RADIL: variants seen among roughly 807,000 people sequenced by gnomAD.
The protein encoded by RADIL is ras-associating and dilute domain-containing protein.
In RADIL, 99 loss-of-function variants were observed where a neutral mutation model predicts 97.6. The ratio of observed to expected loss-of-function variants is 1.01; its 90% CI spans 0.86 to 1.20. RADIL has a LOEUF of 1.20. Ranked by LOEUF, RADIL falls within the 50% of genes most tolerant of loss-of-function variation. The probability of loss-of-function intolerance (pLI) is 0.00; values close to 1 mark genes in which losing one functional copy is unlikely to be tolerated. For synonymous variants in RADIL, 803 were observed against 691.8 expected (o/e 1.16, Z -2.52); for missense variants, 1,765 against 1,498.9 (o/e 1.18, Z -2.93).
In RADIL at chr7:4,799,624, G is replaced by A. The variant is rs1469542868; in HGVS notation, c.3122+6C>T. 3 of 1,605,618 alleles carry A rather than the reference G, an allele frequency of 1.9e-6. No homozygotes were observed. The highest frequency in any genetic ancestry group is 2.7e-5 in the African/African-American group (2 of 74,818). ...AAGGGGCCGGGCGTGCATGCGGTGG[G>A]GGTACCTCAGGTAGCCAAGGCCCAG... On this transcript the variant is annotated splice_donor_region_variant and intron_variant, in intron 14 of 14. Transcript: ENST00000399583.
rs1258821918 is a variant in RADIL at position 4,872,764 on chromosome 7, G to C, written c.535+4841C>G. Among the ~76,000 whole-genome samples, 1 of 152,124 alleles carries C rather than the reference G, an allele frequency of 6.6e-6. No individual in the cohort carries two copies. Among genetic ancestry groups the C allele is most frequent in the Non-Finnish European group, 1.5e-5 (1 of 68,016 alleles). The stretch of plus-strand genomic sequence containing the variant: ...AAGTGCCTGCGTGCATTTCTACAGG[G>C]GGGTAGCAGTGAACTAAGTGATGAG... On this transcript the variant is annotated intron_variant, in intron 2 of 14. Coordinates refer to ENST00000399583, the MANE Select transcript of RADIL (RefSeq NM_018059.5). The surrounding 1 kb of genome is among the most constrained non-coding windows in gnomAD (Gnocchi z 5.8).
chr7:4,847,045 G>A (rs539475026), intron 2 of RADIL, among the ~76,000 whole-genome samples: 3 of 152,212 alleles, frequency 2.0e-5, no homozygotes, highest in African/African-American at 7.2e-5. Flanking sequence ...AACAGGCCAG[G>A]CATGGTGGCT....
chr7:4,832,202 A>G, intron 4 of RADIL, 24 bp from the exon 5 acceptor site: 4 of 1,607,794 alleles, frequency 2.5e-6, no homozygotes, highest in Non-Finnish European at 3.4e-6. Flanking sequence ...GCGGGAGAAA[A>G]AGCAAGTGAG....
chr7:4,882,566 G>A (rs559605264), intron 1 of RADIL, among the ~76,000 whole-genome samples: 3 of 152,236 alleles, frequency 2.0e-5, no homozygotes, highest in South Asian at 4.1e-4. Context: ...TGGGTGGAGC[G>A]ACCTCTCTGC....
At position 4,816,217 on chromosome 7, in the gene RADIL, G is replaced by A. The variant is rs201173414; in HGVS notation, c.1966+11C>T. 4,780 of 1,603,226 alleles carry A rather than the reference G, an allele frequency of 3.0e-3. 22 individuals carry two copies. The highest frequency in any genetic ancestry group is 3.2e-3 in the Non-Finnish European group (3,749 of 1,172,112). ...AGCCCCCGACCCCTCAACCCTGCACGAGGCCCTCACCCCTGTCGAGGAGCT... is the reference window on the plus strand; with the variant it reads ...AGCCCCCGACCCCTCAACCCTGCACAAGGCCCTCACCCCTGTCGAGGAGCT... On this transcript the variant is annotated intron_variant, in intron 8 of 14. Coordinates refer to ENST00000399583, the MANE Select transcript of RADIL (RefSeq NM_018059.5).
intron 2 of RADIL, chr7:4,861,903 G>T: frequency 1.4e-6 from 1 of 738,482 alleles, no homozygotes; most frequent in Non-Finnish European, 1.9e-6. Context: ...GGAAGGGCAG[G>T]GCTTCTAGCT....
chr7:4,860,978 G>T, intron 2 of RADIL: 1 of 1,614,144 alleles, frequency 6.2e-7, no homozygotes, highest in Non-Finnish European at 8.5e-7. Context: ...TTCCCATTCT[G>T]AAAATACCAA....
rs1224189139 is a variant in RADIL at position 4,803,691 on chromosome 7, A to G, written c.2354T>C (p.Val785Ala). ...PIVLPSDGFQ[V>A]DLEANCLDDS... The stretch of plus-strand genomic sequence containing the variant: ...GTCCAGGCAGTTGGCTTCCAAGTCC[A>G]CCTGGAAGCCGTCGCTGGGCAGGAC... Residue 785 changes from valine (V) to alanine (A), a missense_variant, in exon 11 of 15, where the codon GTG becomes GCG. Transcript: ENST00000399583. The G allele has an allele frequency of 1.7e-5, 27 of 1,562,354 alleles. No individual in the cohort carries two copies. Among genetic ancestry groups the G allele is most frequent in the Non-Finnish European group, 2.3e-5 (27 of 1,154,206 alleles).
rs2115196128 is a variant in RADIL at position 4,821,185 on chromosome 7, C to T, written c.1615+1209G>A. Among the ~76,000 whole-genome samples, 1 of 152,320 alleles carries T rather than the reference C, an allele frequency of 6.6e-6. No homozygotes were observed. The highest frequency in any genetic ancestry group is 1.9e-4 in the East Asian group (1 of 5,180). Reference sequence around the variant, plus strand: ...GCAGCTCTGAATGCACCACTCCCTACCCGGATCCTCCAGAAGCCAGACCGC... The same window carrying T: ...GCAGCTCTGAATGCACCACTCCCTATCCGGATCCTCCAGAAGCCAGACCGC... On this transcript the variant is annotated intron_variant, in intron 6 of 14. Transcript: ENST00000399583. The surrounding 1 kb of genome is among the most constrained non-coding windows in gnomAD (Gnocchi z 5.2).
chr7:4,815,308 C>CAGGTTG lies in RADIL; in HGVS notation c.2103_2108dup (p.Asn702_Leu703dup). 1 of 1,561,130 alleles carries CAGGTTG rather than the reference C, an allele frequency of 6.4e-7. No homozygotes were observed. The highest frequency in any genetic ancestry group is 1.4e-5 in the African/African-American group (1 of 73,854). On this transcript the variant is annotated inframe_insertion, in exon 9 of 15. Transcript: ENST00000399583. This position sits in a 1 kb window ranked among gnomAD's most constrained non-coding sequence, Gnocchi z 8.0. The stretch of plus-strand genomic sequence containing the variant: ...TGAGCTGGGCCCTGGGTGTGGCCAG[C>CAGGTTG]AGGTTGAGGGTGCAGGAGAGCTTCT...
In RADIL at chr7:4,821,371, C is replaced by T. The variant is rs749313553; in HGVS notation, c.1615+1023G>A. 6.6e-6 allele frequency among the ~76,000 whole-genome samples: 1 copy of T among 152,188 alleles called. No individual in the cohort carries two copies. Among genetic ancestry groups the T allele is most frequent in the Admixed American group, 6.5e-5 (1 of 15,274 alleles). On this transcript the variant is annotated intron_variant, in intron 6 of 14. Transcript: ENST00000399583. This position sits in a 1 kb window ranked among gnomAD's most constrained non-coding sequence, Gnocchi z 5.2. Reference sequence around the variant, plus strand: ...TCCCTGGGCCGGCTCCTCACTTCCGCAGCACAGCAGCACAGTCCTGCTGCC... The same window carrying T: ...TCCCTGGGCCGGCTCCTCACTTCCGTAGCACAGCAGCACAGTCCTGCTGCC...
intron 2 of RADIL, chr7:4,860,613 G>T: frequency 1.2e-6 from 2 of 1,613,998 alleles, no homozygotes; most frequent in Non-Finnish European, 1.7e-6. Context: ...ACCAGGATTC[G>T]GATCTTTGAT....
intron 2 of RADIL, chr7:4,865,882 G>T: frequency 1.5e-6 from 1 of 649,218 alleles, no homozygotes; most frequent in Non-Finnish European, 2.8e-6. Context: ...AATATTTACC[G>T]TTATGTTCTA....
At chr7:4,845,278 A>G (rs910897114) in intron 2 of RADIL, among the ~76,000 whole-genome samples, 18 of 152,220 alleles carry the variant, frequency 1.2e-4, no homozygotes, top group African/African-American at 4.3e-4. Context: ...GATGAACCAG[A>G]TGTGGTGGGA....
chr7:4,869,576 C>T (rs1233939183), intron 2 of RADIL, among the ~76,000 whole-genome samples: 2 of 150,892 alleles, frequency 1.3e-5, no homozygotes, highest in African/African-American at 4.9e-5. Flanking sequence ...CCAGTTATCC[C>T]AACATAATTT....
rs1397028453 is a variant in RADIL, at chr7:4,877,638, G to A, written c.502C>T (p.Leu168=). The A allele has an allele frequency of 6.2e-7, 1 of 1,609,648 alleles. No homozygotes were observed. Among genetic ancestry groups the A allele is most frequent in the South Asian group, 1.1e-5 (1 of 90,178 alleles). ...ATGGTGTCCACCTCCTTGGCTGCCA[G>A]CTCCTCCACGTCCGACCTCTTCCTC... ...ELRKRSDVEE[L]AAKEVDTITA... The change falls in exon 2 of 15, where the codon CTG becomes TTG. Residue 168 remains leucine (L), a synonymous_variant. Coordinates refer to ENST00000399583, the MANE Select transcript of RADIL (RefSeq NM_018059.5).
At position 4,817,562 on chromosome 7, in the gene RADIL, C is replaced by T. The variant is rs938994480; in HGVS notation, c.1616-211G>A. On this transcript the variant is annotated intron_variant, in intron 6 of 14. Coordinates refer to ENST00000399583, the MANE Select transcript of RADIL (RefSeq NM_018059.5). This position sits in a 1 kb window ranked among gnomAD's most constrained non-coding sequence, Gnocchi z 8.3. The stretch of plus-strand genomic sequence containing the variant: ...CACTCTTACCTGGGGAGGGGAATGC[C>T]GGGAGGGGCAGGAGGGGTCCAGACA... Among the ~76,000 whole-genome samples, 9 of 152,202 alleles carry T rather than the reference C, an allele frequency of 5.9e-5. No homozygotes were observed. Among genetic ancestry groups the T allele is most frequent in the East Asian group, 1.9e-4 (1 of 5,156 alleles).
chr7:4,875,625 CT>C lies in RADIL; in HGVS notation c.535+1979del, dbSNP rs1784358938. On this transcript the variant is annotated intron_variant, in intron 2 of 14. Transcript: ENST00000399583. ...CGTGCTCTGCAGCCCCAAGGTGGCC[CT>C]GTCCCACTCGCTTTTTGCCCGCTGC... Among the ~76,000 whole-genome samples, 3 of 152,218 alleles carry C rather than the reference CT, an allele frequency of 2.0e-5. No homozygotes were observed. In the South Asian group the frequency reaches 6.2e-4, roughly 32 times the overall value.
At chr7:4,860,146 T>C (rs1361493326) in intron 2 of RADIL, 1 of 1,614,032 alleles carries the variant, frequency 6.2e-7, no homozygotes, top group Non-Finnish European at 8.5e-7. Context: ...CAGGACTGTT[T>C]CTACCCTGAG....
Sources: gnomAD v4.1 joint callset for allele counts (sites outside exome capture counted in the v4.1 genomes callset) on GRCh38, gnomAD v4.1.1 for gene constraint, Gnocchi (gnomAD v3.1) non-coding constraint, MANE v1.5 for transcripts, NCBI Gene and HGNC (gene_info 2026-07-23, HGNC 2026-07-21) for gene names.